Variants in MAN1A1 observed in about 807,000 individuals in gnomAD.
The protein encoded by MAN1A1 is mannosidase alpha class 1A member 1.
In MAN1A1, 29 loss-of-function variants were observed where a neutral mutation model predicts 70.8. The ratio of observed to expected loss-of-function variants is 0.41; its 90% CI spans 0.31 to 0.56. MAN1A1 has a LOEUF of 0.56. Among genes scored for constraint, MAN1A1 ranks in the 20% least tolerant of loss-of-function variants. The probability of loss-of-function intolerance (pLI) is 0.29; values close to 1 mark genes in which losing one functional copy is unlikely to be tolerated. For missense variants in MAN1A1, 747 were observed against 841.3 expected (o/e 0.89, Z 1.39); for synonymous variants, 349 against 330.1 (o/e 1.06, Z -0.62).
At chr6:119,205,828 T>C (rs1040444454) in intron 6 of MAN1A1, among the ~76,000 whole-genome samples, 3 of 152,252 alleles carry the variant, frequency 2.0e-5, no homozygotes, top group Admixed American at 6.5e-5. Context: ...ATGCCTACTA[T>C]TTGCTAGGAC....
chr6:119,277,329 T>C (rs1322436309), intron 5 of MAN1A1, among the ~76,000 whole-genome samples: 2 of 152,014 alleles, frequency 1.3e-5, no homozygotes, highest in African/African-American at 4.8e-5. Flanking sequence ...TAAAATGTTT[T>C]AAAGAAAAAA....
intron 7 of MAN1A1, among the ~76,000 whole-genome samples, chr6:119,202,194 A>T (rs1562189690): frequency 1.3e-5 from 2 of 152,210 alleles, no homozygotes; most frequent in African/African-American, 4.8e-5. Flanking sequence ...TAGTTGTACC[A>T]AAATATTTTC....
At chr6:119,249,767 T>C (rs2114326845) in intron 5 of MAN1A1, among the ~76,000 whole-genome samples, 1 of 152,208 alleles carries the variant, frequency 6.6e-6, no homozygotes, top group East Asian at 1.9e-4. Flanking sequence ...GTAATACCAA[T>C]GTTGAGGCTA....
At chr6:119,183,406 C>CTT (rs139277735) in intron 11 of MAN1A1, among the ~76,000 whole-genome samples, 8 of 150,474 alleles carry the variant, frequency 5.3e-5, no homozygotes, top group Non-Finnish European at 8.9e-5. Context: ...TTCTTTCCTC[C>CTT]TTTTTTTTTG....
At chr6:119,302,474 C>T (rs1342822576) in intron 3 of MAN1A1, among the ~76,000 whole-genome samples, 9 of 151,930 alleles carry the variant, frequency 5.9e-5, no homozygotes, top group Non-Finnish European at 1.5e-5. Flanking sequence ...CTCCACCTCC[C>T]GGGTTCAAGT....
Position 119,212,379 on chromosome 6 carries a change from C to T in MAN1A1, c.993-7497G>A, listed in dbSNP as rs200807259. 1.6e-4 allele frequency among the ~76,000 whole-genome samples: 24 copies of T among 152,126 alleles called. No homozygotes were observed. In the East Asian group the frequency reaches 3.9e-3, roughly 24 times the overall value. On this transcript the variant is annotated intron_variant, in intron 6 of 12. Coordinates refer to ENST00000368468, the MANE Select transcript of MAN1A1 (RefSeq NM_005907.4). ...TGGCAGAAATTCTGAGGCATAAAGG[C>T]CAATATTAAGTGATTCTGTTCAACA...
intron 6 of MAN1A1, among the ~76,000 whole-genome samples, chr6:119,239,256 T>C (rs1425565917): frequency 6.6e-6 from 1 of 152,220 alleles, no homozygotes; most frequent in Non-Finnish European, 1.5e-5. Context: ...TAATTTGTCA[T>C]GATTGCTAAA....
intron 2 of MAN1A1, among the ~76,000 whole-genome samples, chr6:119,323,190 T>A (rs1388180955): frequency 6.6e-6 from 1 of 152,236 alleles, no homozygotes; most frequent in Non-Finnish European, 1.5e-5. Flanking sequence ...TTTAAAAATA[T>A]GGCAGACATG....
chr6:119,348,803 G>A lies in MAN1A1; in HGVS notation c.263C>T (p.Pro88Leu). The A allele has an allele frequency of 1.4e-6, 2 of 1,445,306 alleles. No individual in the cohort carries two copies. The highest frequency in any genetic ancestry group is 1.8e-6 in the Non-Finnish European group (2 of 1,093,732). 89.5% of individuals were successfully genotyped at this position (1,445,306 alleles called of 1,614,324 possible). A position where few individuals can be genotyped will look rare whatever the true frequency, so the allele number is the denominator to read the frequency against. The change falls in exon 2 of 13, where the codon CCC becomes CTC. Residue 88 changes from proline (P) to leucine (L), a missense_variant. By Grantham distance (98) the Pro-to-Leu change is moderately conservative (BLOSUM62 -3). Coordinates refer to ENST00000368468, the MANE Select transcript of MAN1A1 (RefSeq NM_005907.4). ...GTCCTCGGCGCGCGCCCCGGGCCCG[G>A]GCTTGTGGTCGGCGGCCGGCTGCAA... is the stretch of plus-strand genomic sequence containing the variant. Reference protein sequence around the residue: ...PALQPAADHKPGPGARAEDAA... With the variant: ...PALQPAADHKLGPGARAEDAA...
At chr6:119,209,721 A>G (rs1027444937) in intron 6 of MAN1A1, among the ~76,000 whole-genome samples, 5 of 152,196 alleles carry the variant, frequency 3.3e-5, no homozygotes, top group Non-Finnish European at 7.3e-5. Context: ...AAAGGTTTGC[A>G]CAGTGCTGAT....
At chr6:119,323,795 A>G (rs1773080734) in intron 2 of MAN1A1, among the ~76,000 whole-genome samples, 1 of 152,236 alleles carries the variant, frequency 6.6e-6, no homozygotes, top group African/African-American at 2.4e-5. Flanking sequence ...GCTAAAATTG[A>G]TAGGAGAGGT....
At chr6:119,205,054 G>C (rs1773822605) in intron 6 of MAN1A1, among the ~76,000 whole-genome samples, 172 bp from the exon 7 acceptor site, 1 of 152,218 alleles carries the variant, frequency 6.6e-6, no homozygotes, top group Non-Finnish European at 1.5e-5. Flanking sequence ...TTTAGGGTTT[G>C]TCTCCTATCT....
chr6:119,227,708 A>G (rs1774557376), intron 6 of MAN1A1, among the ~76,000 whole-genome samples: 1 of 152,330 alleles, frequency 6.6e-6, no homozygotes, highest in Admixed American at 6.5e-5. Context: ...GACTCAAGCT[A>G]TCTTCCTGCC....
chr6:119,336,526 C>CA (rs2114501360), intron 2 of MAN1A1, among the ~76,000 whole-genome samples: 1 of 152,266 alleles, frequency 6.6e-6, no homozygotes, highest in East Asian at 1.9e-4. Flanking sequence ...GAATAAACTG[C>CA]AAAAGGGACC....
intron 5 of MAN1A1, among the ~76,000 whole-genome samples, chr6:119,262,457 TAA>T (rs11361247): frequency 4.1e-5 from 6 of 145,950 alleles, no homozygotes; most frequent in African/African-American, 1.2e-4. Context: ...TTATAAAAAG[TAA>T]AAAAAAAAAT....
intron 2 of MAN1A1, among the ~76,000 whole-genome samples, chr6:119,338,334 GA>G (rs375948041): frequency 3.6e-4 from 52 of 144,160 alleles, no homozygotes; most frequent in South Asian, 2.2e-3. Flanking sequence ...ATTTAGGGTG[GA>G]AAAAAAAAAG....
intron 5 of MAN1A1, among the ~76,000 whole-genome samples, chr6:119,272,517 C>T (rs1337943163): frequency 6.6e-6 from 1 of 152,102 alleles, no homozygotes; most frequent in Non-Finnish European, 1.5e-5. Context: ...TGCCAGGTAT[C>T]TCAGTAGCCC....
At position 119,267,405 on chromosome 6, in the gene MAN1A1, T is replaced by C. The variant is rs193028944; in HGVS notation, c.898-19051A>G. Among the ~76,000 whole-genome samples the C allele has an allele frequency of 8.1e-4, 123 of 152,186 alleles. 1 individual carries two copies. Among genetic ancestry groups the C allele is most frequent in the African/African-American group, 2.9e-3 (120 of 41,416 alleles). ...ACATACATCAAGATAACTCAGTACA[T>C]TAAGTATTATTTACAGAGAGAGATC... is the stretch of plus-strand genomic sequence containing the variant. On this transcript the variant is annotated intron_variant, in intron 5 of 12. Transcript: ENST00000368468.
chr6:119,310,067 T>C (rs1399683464), intron 2 of MAN1A1, among the ~76,000 whole-genome samples: 1 of 152,196 alleles, frequency 6.6e-6, no homozygotes, highest in Non-Finnish European at 1.5e-5. Context: ...TAAATGTTTG[T>C]GAATATAGAA....
Sources: gnomAD v4.1 joint callset for allele counts (sites outside exome capture counted in the v4.1 genomes callset) on GRCh38, gnomAD v4.1.1 for gene constraint, MANE v1.5 for transcripts, NCBI Gene and HGNC (gene_info 2026-07-23, HGNC 2026-07-21) for gene names.